Variants in STK3 observed in about 807,000 individuals in gnomAD.
STK3 encodes serine/threonine kinase 3, also known as serine/threonine-protein kinase 3.
STK3 carries 41 observed loss-of-function variants against 58.0 expected under a neutral mutation model. The observed-to-expected ratio is 0.71, with a 90% confidence interval of 0.55 to 0.92. The LOEUF is 0.92. Ranked by LOEUF, STK3 falls within the 40% of genes least tolerant of loss-of-function variation. STK3 has a pLI of 0.00. For synonymous variants in STK3, 170 were observed against 191.0 expected, an observed-to-expected ratio of 0.89 and a Z score of 0.91; for missense variants, 479 against 602.7, an observed-to-expected ratio of 0.79 and a Z score of 2.15.
At chr8:98,645,795 TATAC>T (rs766295228) in intron 6 of STK3, among the ~76,000 whole-genome samples, 4 of 146,686 alleles carry the variant, frequency 2.7e-5, no homozygotes, top group Non-Finnish European at 4.7e-5. Flanking sequence ...ATTATATATA[TATAC>T]ATATATAGAT....
At chr8:98,588,745 T>C (rs1203846283) in intron 7 of STK3, among the ~76,000 whole-genome samples, 4 of 151,740 alleles carry the variant, frequency 2.6e-5, no homozygotes, top group African/African-American at 4.8e-5. Flanking sequence ...CAATTAGACG[T>C]AGATTTGGTC....
At chr8:98,641,358 G>A (rs1820001124) in intron 6 of STK3, among the ~76,000 whole-genome samples, 1 of 151,912 alleles carries the variant, frequency 6.6e-6, no homozygotes, top group South Asian at 2.1e-4. Flanking sequence ...GCAAGTTCTG[G>A]TGGAATTTAC....
intron 6 of STK3, among the ~76,000 whole-genome samples, chr8:98,679,795 T>C (rs577551142): frequency 6.6e-6 from 1 of 152,346 alleles, no homozygotes; most frequent in East Asian, 1.9e-4. Flanking sequence ...ATTCATATTC[T>C]GAGAATCAAT....
chr8:98,916,739 C>T (rs1255078949), intron 1 of STK3, among the ~76,000 whole-genome samples: 1 of 152,198 alleles, frequency 6.6e-6, no homozygotes, highest in Non-Finnish European at 1.5e-5. Context: ...ATTAAATCAT[C>T]AGACTAAGAT....
chr8:98,431,278 A>AG (rs1343134397), intron 3 of STK3: 2 of 167,110 alleles, frequency 1.2e-5, no homozygotes, highest in Non-Finnish European at 2.9e-5. Flanking sequence ...TGGAGCCCCC[A>AG]GTTCAAATCT....
intron 9 of STK3, among the ~76,000 whole-genome samples, chr8:98,534,289 T>A (rs1348206762): frequency 1.3e-5 from 2 of 152,288 alleles, no homozygotes; most frequent in East Asian, 3.9e-4. Context: ...GTAAAGATAT[T>A]GAGACATTCT....
chr8:98,401,734 C>T (rs1049739977), intron 3 of STK3, among the ~76,000 whole-genome samples: 2 of 152,166 alleles, frequency 1.3e-5, no homozygotes, highest in African/African-American at 2.4e-5. Flanking sequence ...TCTCCCCTAC[C>T]TCTTCCCAGT....
upstream of STK3, among the ~76,000 whole-genome samples, chr8:98,828,745 T>C (rs1835420679): frequency 6.6e-6 from 1 of 152,232 alleles, no homozygotes; most frequent in Non-Finnish European, 1.5e-5. Flanking sequence ...ACCCACTATC[T>C]GTCACATTTA....
chr8:98,369,568 TAA>T (rs886646396), downstream of STK3, among the ~76,000 whole-genome samples: 10 of 151,868 alleles, frequency 6.6e-5, no homozygotes. Flanking sequence ...TTCCAGAAAA[TAA>T]GTTTCATGTG....
At chr8:98,387,601 A>T (rs1054235659) in intron 1 of STK3, among the ~76,000 whole-genome samples, 3 of 152,166 alleles carry the variant, frequency 2.0e-5, no homozygotes, top group Non-Finnish European at 4.4e-5. Flanking sequence ...ATACAAAATT[A>T]GCCAGGCATG....
At chr8:98,382,568 G>C (rs921360513) in intron 1 of STK3, among the ~76,000 whole-genome samples, 22 of 150,564 alleles carry the variant, frequency 1.5e-4, no homozygotes, top group African/African-American at 4.7e-4. Flanking sequence ...GATTGGAGGC[G>C]GGGGGAGCCT....
upstream of STK3, among the ~76,000 whole-genome samples, chr8:98,825,914 G>A (rs2131764263): frequency 6.8e-6 from 1 of 146,052 alleles, no homozygotes; most frequent in African/African-American, 2.5e-5. Flanking sequence ...GCCCAGAGAA[G>A]GTGGACGGAG....
intron 10 of STK3, among the ~76,000 whole-genome samples, chr8:98,459,363 TTC>T (rs1363818633): frequency 6.6e-6 from 1 of 152,230 alleles, no homozygotes; most frequent in Non-Finnish European, 1.5e-5. Context: ...CTTAAAAGCA[TTC>T]AGTTTTATGG....
At chr8:98,472,578 G>A (rs1821006050) in intron 10 of STK3, among the ~76,000 whole-genome samples, 2 of 152,098 alleles carry the variant, frequency 1.3e-5, no homozygotes, top group Admixed American at 6.5e-5. Flanking sequence ...CTGTAAACAG[G>A]CATTATTCTT....
rs774294377 is a variant in STK3, at chr8:98,579,764, G to C, written c.848C>G (p.Pro283Arg). ...GATCAGGTCTCTTAATATTGATACA[G>C]GTTTGGCATTCTTGATAAAAGGATG... ...LQHPFIKNAK[P>R]VSILRDLITE... The change falls in exon 8 of 11, where the codon CCT (proline) becomes CGT (arginine). Residue 283 changes from proline (P) to arginine (R), a missense_variant. Physicochemically the swap from Pro to Arg is moderately radical, Grantham distance 103. Transcript: ENST00000419617. 2 of 1,579,732 alleles carry C rather than the reference G, an allele frequency of 1.3e-6. No homozygotes were observed. The highest frequency in any genetic ancestry group is 3.9e-5 in the Admixed American group (2 of 51,278).
At chr8:98,638,055 ACT>A (rs1402495916) in intron 6 of STK3, among the ~76,000 whole-genome samples, 1 of 151,970 alleles carries the variant, frequency 6.6e-6, no homozygotes, top group Non-Finnish European at 1.5e-5. Context: ...TAAATACTAA[ACT>A]CTCTGCTAAT....
intron 3 of STK3, among the ~76,000 whole-genome samples, chr8:98,763,593 A>T (rs1830762921): frequency 6.6e-6 from 1 of 152,192 alleles, no homozygotes; most frequent in Non-Finnish European, 1.5e-5. Context: ...TAATTTCTTA[A>T]TAACACATTT....
the STK3 span, among the ~76,000 whole-genome samples, chr8:98,347,376 G>T: frequency 1.3e-5 from 2 of 151,626 alleles, no homozygotes; most frequent in African/African-American, 4.9e-5. Flanking sequence ...TTAGCCGGGC[G>T]TGATGGCGGG....
the STK3 span, among the ~76,000 whole-genome samples, chr8:98,348,067 A>G: frequency 6.6e-6 from 1 of 152,226 alleles, no homozygotes; most frequent in Non-Finnish European, 1.5e-5. Context: ...GACAAATAGA[A>G]CAATGGAATT....
Sources: allele counts gnomAD v4.1 joint callset (sites outside exome capture counted in the v4.1 genomes callset), GRCh38; gene constraint gnomAD v4.1.1; transcripts MANE v1.5; gene names NCBI Gene and HGNC (gene_info 2026-07-23, HGNC 2026-07-21).